The following SLC39A11 variants were observed in gnomAD, a reference collection of about 807,000 sequenced individuals.
SLC39A11 encodes the protein zinc transporter ZIP11.
SLC39A11 carries 33 observed loss-of-function variants against 36.1 expected under a neutral mutation model. The observed-to-expected ratio is 0.91, with a 90% CI of 0.69 to 1.22. The LOEUF is 1.22. Ranked by LOEUF, SLC39A11 falls within the 50% of genes most tolerant of loss-of-function variation. The probability of loss-of-function intolerance (pLI) is 0.00; values close to 1 mark genes in which losing one functional copy is unlikely to be tolerated. For missense variants in SLC39A11, 432 were observed against 430.3 expected (o/e 1.00, Z -0.03); for synonymous variants, 166 against 170.3 (o/e 0.97, Z 0.20).
chr17:73,059,103 AT>A (rs1206475344), intron 3 of SLC39A11, among the ~76,000 whole-genome samples: 6 of 152,224 alleles, frequency 3.9e-5, no homozygotes, highest in African/African-American at 1.4e-4. Context: ...CTTAGTTAAA[AT>A]ACTAGAACAT....
intron 4 of SLC39A11, among the ~76,000 whole-genome samples, chr17:72,980,613 C>T (rs968954905): frequency 1.3e-5 from 2 of 152,090 alleles, no homozygotes; most frequent in African/African-American, 4.8e-5. Context: ...TGAAAAGGAA[C>T]GTAATACAAG....
intron 6 of SLC39A11, among the ~76,000 whole-genome samples, chr17:72,786,026 C>T (rs1257193676): frequency 1.3e-5 from 2 of 152,222 alleles, no homozygotes; most frequent in Non-Finnish European, 2.9e-5. Flanking sequence ...CCCTCCCCGA[C>T]ATCTCTGGAT....
chr17:72,900,100 A>C, intron 5 of SLC39A11, among the ~76,000 whole-genome samples: 1 of 31,638 alleles, frequency 3.2e-5, no homozygotes, highest in African/African-American at 3.2e-4. Flanking sequence ...AAGAGAAAAG[A>C]AAGAAAGAAA....
At chr17:72,883,055 C>T (rs931614799) in intron 5 of SLC39A11, among the ~76,000 whole-genome samples, 1 of 152,082 alleles carries the variant, frequency 6.6e-6, no homozygotes, top group South Asian at 2.1e-4. Flanking sequence ...CCTCGGCCTC[C>T]CAATGTGGTT....
In SLC39A11 at chr17:73,031,726, A is replaced by G. The variant is rs751365345; in HGVS notation, c.148-12T>C. On this transcript the variant is annotated splice_polypyrimidine_tract_variant and intron_variant, in intron 3 of 9. Coordinates refer to ENST00000255559, the MANE Select transcript of SLC39A11 (RefSeq NM_139177.4). ...GCTGCCAACATGACCTACAAAAACC[A>G]CAACGAGAGATAAACGTTAAAGCAA... 1.2e-6 allele frequency: 2 copies of G among 1,612,314 alleles called. No individual in the cohort carries two copies. Among genetic ancestry groups the G allele is most frequent in the East Asian group, 4.5e-5 (2 of 44,872 alleles).
At chr17:72,922,214 T>C (rs2083709875) in intron 5 of SLC39A11, among the ~76,000 whole-genome samples, 1 of 152,328 alleles carries the variant, frequency 6.6e-6, no homozygotes, top group South Asian at 2.1e-4. Context: ...ACCCAGCTTG[T>C]GTCTGGAGCA....
chr17:73,003,874 T>G (rs2089972854), intron 4 of SLC39A11, among the ~76,000 whole-genome samples: 2 of 151,980 alleles, frequency 1.3e-5, no homozygotes, highest in Admixed American at 6.6e-5. Flanking sequence ...TCACCCGAGG[T>G]CAGGAGTTTG....
At chr17:72,782,883 T>C (rs1380530031) in intron 6 of SLC39A11, among the ~76,000 whole-genome samples, 6 of 150,222 alleles carry the variant, frequency 4.0e-5, no homozygotes, top group Admixed American at 4.0e-4. Context: ...CCACTTGCAA[T>C]GCTAGCTACT....
intron 5 of SLC39A11, among the ~76,000 whole-genome samples, chr17:72,909,757 T>TC (rs1567933207): frequency 1.8e-5 from 2 of 110,712 alleles, no homozygotes; most frequent in African/African-American, 3.4e-5. Context: ...TTTCTTTTTT[T>TC]TTTTTTGAGA....
chr17:73,078,573 A>AC (rs1244046664), intron 3 of SLC39A11, among the ~76,000 whole-genome samples: 1 of 150,236 alleles, frequency 6.7e-6, no homozygotes, highest in Non-Finnish European at 1.5e-5. Context: ...TGCAACCTCC[A>AC]CCTTCCGGGT....
At chr17:72,773,447 C>T (rs964634508) in intron 6 of SLC39A11, among the ~76,000 whole-genome samples, 4 of 152,008 alleles carry the variant, frequency 2.6e-5, no homozygotes, top group African/African-American at 9.7e-5. Context: ...AAGGGGAAAC[C>T]CCTTTTTCTT....
At chr17:72,843,028 C>G (rs1395449119) in intron 6 of SLC39A11, among the ~76,000 whole-genome samples, 1 of 152,294 alleles carries the variant, frequency 6.6e-6, no homozygotes, top group Middle Eastern at 3.4e-3. Flanking sequence ...CGGCTCACTG[C>G]AACCTCTGCC....
intron 5 of SLC39A11, among the ~76,000 whole-genome samples, chr17:72,923,443 T>G (rs2147293657): frequency 6.6e-6 from 1 of 152,248 alleles, no homozygotes; most frequent in Non-Finnish European, 1.5e-5. Flanking sequence ...TGGGATTGCA[T>G]GCAAAAAATT....
chr17:73,057,662 G>A (rs963691589), intron 3 of SLC39A11, among the ~76,000 whole-genome samples: 2 of 152,196 alleles, frequency 1.3e-5, no homozygotes, highest in Admixed American at 1.3e-4. Flanking sequence ...CTGAGGCCAG[G>A]CGCGGTGGCT....
At chr17:72,748,076 C>T (rs1003454711) in intron 6 of SLC39A11, among the ~76,000 whole-genome samples, 1 of 152,312 alleles carries the variant, frequency 6.6e-6, no homozygotes, top group South Asian at 2.1e-4. Flanking sequence ...AATCCCAGCA[C>T]TTTGGGAGGC....
chr17:72,798,828 G>A (rs2076986743), intron 6 of SLC39A11, among the ~76,000 whole-genome samples: 1 of 152,082 alleles, frequency 6.6e-6, no homozygotes, highest in Non-Finnish European at 1.5e-5. Flanking sequence ...ATGGGTGAGG[G>A]ACACAAGCAT....
chr17:72,768,843 C>T (rs2075837715), intron 6 of SLC39A11, among the ~76,000 whole-genome samples: 1 of 151,384 alleles, frequency 6.6e-6, no homozygotes, highest in South Asian at 2.1e-4. Context: ...TCACTGCAAC[C>T]TCCACCTCCT....
In SLC39A11 at chr17:72,702,852, G is replaced by A. The variant is rs113469965; in HGVS notation, c.671+33798C>T. 3.4e-3 allele frequency among the ~76,000 whole-genome samples: 505 copies of A among 150,066 alleles called. 17 individuals carry two copies. In the East Asian group the frequency reaches 0.076, roughly 23 times the overall value. On this transcript the variant is annotated intron_variant, in intron 7 of 9. Transcript: ENST00000255559. ...CTCAGGAGGCTGAGGCAGGAGAATC[G>A]CTTGAACCCTGGAGGTGGAGGTTGC...
intron 3 of SLC39A11, among the ~76,000 whole-genome samples, chr17:73,047,988 AAAATATATATATATATATATAT>A (rs1453160102): frequency 9.8e-4 from 45 of 45,828 alleles, no homozygotes; most frequent in Non-Finnish European, 7.6e-4. Context: ...AAAAAAAAAA[AAAATATATATATATATATATAT>A]ATATATATAT....
Sources: gnomAD v4.1 joint callset for allele counts (sites outside exome capture counted in the v4.1 genomes callset) on GRCh38, gnomAD v4.1.1 for gene constraint, MANE v1.5 for transcripts, NCBI Gene and HGNC (gene_info 2026-07-23, HGNC 2026-07-21) for gene names.